The following PCSK6 variants were observed in gnomAD, a reference collection of about 807,000 sequenced individuals.
PCSK6 encodes the protein proprotein convertase subtilisin/kexin type 6.
Under a neutral mutation model 123.3 loss-of-function variants are expected in PCSK6, and 85 were observed. The observed-to-expected ratio is 0.69, with a 90% CI of 0.58 to 0.83. PCSK6 has a LOEUF of 0.83. Ranked by LOEUF, PCSK6 falls within the 40% of genes least tolerant of loss-of-function variation. The pLI, the probability that PCSK6 is intolerant of heterozygous loss-of-function variation, is 0.00. For synonymous variants in PCSK6, 508 were observed against 516.0 expected, an observed-to-expected ratio of 0.98 and a Z score of 0.21; for missense variants, 1,191 against 1,282.3, an observed-to-expected ratio of 0.93 and a Z score of 1.09.
Position 101,467,863 on chromosome 15 carries a change from G to A in PCSK6, c.297+21511C>T, listed in dbSNP as rs571940300. 3.3e-5 allele frequency among the ~76,000 whole-genome samples: 5 copies of A among 152,258 alleles called. 1 individual carries two copies. The highest frequency in any genetic ancestry group is 4.2e-4 in the South Asian group (2 of 4,804). The stretch of plus-strand genomic sequence containing the variant: ...TCTACGCCGGAGATACGCAAGCCAC[G>A]CGGACAGTGGCTTCCTGCGGGAGCC... On this transcript the variant is annotated intron_variant, in intron 1 of 21. Coordinates refer to ENST00000611716, the MANE Select transcript of PCSK6 (RefSeq NM_002570.5).
chr15:101,389,589 G>GTTA, intron 8 of PCSK6, 25 bp from the exon 9 acceptor site: 1 of 1,558,112 alleles, frequency 6.4e-7, no homozygotes, highest in Non-Finnish European at 8.8e-7. Context: ...AGCACAGTGA[G>GTTA]GCAGTGATGG....
intron 18 of PCSK6, among the ~76,000 whole-genome samples, chr15:101,320,645 G>A (rs2040099416): frequency 6.6e-6 from 1 of 152,158 alleles, no homozygotes; most frequent in African/African-American, 2.4e-5. Flanking sequence ...CACTGCGAAT[G>A]GCAGTTAAAT....
intron 20 of PCSK6, 163 bp from the exon 21 acceptor site, chr15:101,307,488 GTGTC>G: frequency 1.7e-6 from 1 of 600,280 alleles, no homozygotes; most frequent in South Asian, 1.9e-5. Context: ...CAGGGGCTGA[GTGTC>G]TGCATGTCTT....
At chr15:101,362,685 C>T (rs2041267718) in intron 13 of PCSK6, among the ~76,000 whole-genome samples, 1 of 152,164 alleles carries the variant, frequency 6.6e-6, no homozygotes, top group Non-Finnish European at 1.5e-5. Flanking sequence ...CTGATTTCAT[C>T]CCACCGCAAC....
At chr15:101,489,077 C>T (rs2058092075) in intron 1 of PCSK6, among the ~76,000 whole-genome samples, 1 of 149,326 alleles carries the variant, frequency 6.7e-6, no homozygotes, top group South Asian at 2.1e-4. Context: ...GGCCACACTT[C>T]CGAGCGCGGG....
At chr15:101,475,047 G>A (rs2057697571) in intron 1 of PCSK6, among the ~76,000 whole-genome samples, 2 of 152,186 alleles carry the variant, frequency 1.3e-5, no homozygotes, top group African/African-American at 4.8e-5. Context: ...CTCCAGGTCT[G>A]GCCCTAGCGC....
Position 101,398,695 on chromosome 15 carries a change from G to A in PCSK6, c.824-119C>T, listed in dbSNP as rs2042495828. On this transcript the variant is annotated intron_variant, in intron 6 of 21. Transcript: ENST00000611716. The surrounding 1 kb of genome is among the most constrained non-coding windows in gnomAD (Gnocchi z 4.6). ...ATCACAGAGTCCCTCCCCAGCAGGG[G>A]CTGTTCCCAGTCATTCTGCAAAACT... 6.4e-6 allele frequency: 7 copies of A among 1,093,232 alleles called. No homozygotes were observed. Among genetic ancestry groups the A allele is most frequent in the Non-Finnish European group, 9.0e-6 (7 of 780,810 alleles). The allele number at this position is 1,093,232 out of a possible 1,614,324, so 67.7% of individuals were successfully genotyped here.
At chr15:101,326,571 G>C (rs940063606) in intron 15 of PCSK6, 92 bp from the exon 16 acceptor site, 1 of 1,274,912 alleles carries the variant, frequency 7.8e-7, no homozygotes, top group African/African-American at 1.5e-5. Flanking sequence ...ATCGCAGCTT[G>C]GCAGGGTTGG....
chr15:101,386,636 G>A (rs556474569), intron 9 of PCSK6, among the ~76,000 whole-genome samples: 29 of 152,180 alleles, frequency 1.9e-4, no homozygotes, highest in African/African-American at 6.0e-4. Flanking sequence ...TTAGCACAAC[G>A]TCCTTGAGGG....
At chr15:101,447,605 G>A (rs996854547) in intron 1 of PCSK6, among the ~76,000 whole-genome samples, 5 of 152,216 alleles carry the variant, frequency 3.3e-5, no homozygotes, top group East Asian at 1.9e-4. Flanking sequence ...AATGGACAGC[G>A]GTGGACTCAG....
At chr15:101,394,254 A>C (rs374210190) in intron 7 of PCSK6, among the ~76,000 whole-genome samples, 2 of 151,406 alleles carry the variant, frequency 1.3e-5, no homozygotes, top group Admixed American at 1.3e-4. Flanking sequence ...TGCCTATAGA[A>C]GTGTGCCGCC....
intron 13 of PCSK6, among the ~76,000 whole-genome samples, chr15:101,342,129 C>CAAA (rs35083182): frequency 0.01 from 520 of 51,098 alleles, 31 homozygotes; most frequent in African/African-American, 0.031. Context: ...GACCCTGTCT[C>CAAA]AAAAAAAAAA....
chr15:101,411,139 G>A (rs2055667467), intron 6 of PCSK6, among the ~76,000 whole-genome samples: 1 of 152,228 alleles, frequency 6.6e-6, no homozygotes, highest in African/African-American at 2.4e-5. Flanking sequence ...AAGACGGGAA[G>A]CAGAGGGCAT....
chr15:101,439,576 G>C (rs1304835105), intron 2 of PCSK6, among the ~76,000 whole-genome samples: 1 of 152,220 alleles, frequency 6.6e-6, no homozygotes, highest in Non-Finnish European at 1.5e-5. Flanking sequence ...CAACCCCTGA[G>C]ACCAATGTGG....
At chr15:101,444,962 C>A (rs988473237) in intron 1 of PCSK6, among the ~76,000 whole-genome samples, 9 of 152,238 alleles carry the variant, frequency 5.9e-5, no homozygotes, top group South Asian at 2.1e-4. Flanking sequence ...TCCTTTCCGG[C>A]AACCCTGGCA....
In PCSK6 at chr15:101,431,462, T is replaced by G; in HGVS notation, c.515A>C (p.His172Pro). Residue 172 changes from histidine to proline, a missense_variant and splice_region_variant, in exon 4 of 22, where the codon CAT becomes CCT. Physicochemically the swap from His to Pro is moderately conservative, Grantham distance 77 (BLOSUM62 -2). Coordinates refer to ENST00000611716, the MANE Select transcript of PCSK6 (RefSeq NM_002570.5). ...DPIWSNMWYL[H>P]CGDKNSRCRS... ...GCAGCGACTGTTCTTGTCGCCACAATGCTGTAAGCACGAAAGACACAAAGT... is the reference window on the plus strand; with the variant it reads ...GCAGCGACTGTTCTTGTCGCCACAAGGCTGTAAGCACGAAAGACACAAAGT... 5 of 1,613,690 alleles carry G rather than the reference T, an allele frequency of 3.1e-6. No individual in the cohort carries two copies. Among genetic ancestry groups the G allele is most frequent in the Non-Finnish European group, 4.2e-6 (5 of 1,179,796 alleles).
chr15:101,403,260 G>A (rs1188773968), intron 6 of PCSK6, among the ~76,000 whole-genome samples: 3 of 129,298 alleles, frequency 2.3e-5, no homozygotes, highest in Admixed American at 8.5e-5. Context: ...ATCACACTCT[G>A]GGGACTGTTG....
intron 6 of PCSK6, among the ~76,000 whole-genome samples, chr15:101,409,630 C>A (rs1287159189): frequency 6.6e-6 from 1 of 151,188 alleles, no homozygotes; most frequent in African/African-American, 2.4e-5. Context: ...AATGCAGTGT[C>A]CCTCATGACA....
chr15:101,456,490 C>T (rs559587602), intron 1 of PCSK6, among the ~76,000 whole-genome samples: 20 of 152,244 alleles, frequency 1.3e-4, no homozygotes, highest in Admixed American at 1.2e-3. Context: ...GGCAGCTGCT[C>T]GAGCCAGGTA....
Sources: allele counts gnomAD v4.1 joint callset (sites outside exome capture counted in the v4.1 genomes callset), GRCh38; gene constraint gnomAD v4.1.1; non-coding constraint Gnocchi (gnomAD v3.1); transcripts MANE v1.5; gene names NCBI Gene and HGNC (gene_info 2026-07-23, HGNC 2026-07-21).